The following ZNF260 variants were observed in gnomAD, a reference collection of about 807,000 sequenced individuals.
ZNF260 encodes zinc finger protein 260.
In ZNF260, 21 loss-of-function variants were observed where a neutral mutation model predicts 29.3. The observed-to-expected ratio is 0.72, with a 90% confidence interval of 0.51 to 1.03. ZNF260 has a LOEUF of 1.03. Among genes scored for constraint, ZNF260 ranks in the 50% least tolerant of loss-of-function variants. ZNF260 has a pLI of 0.00. For missense variants in ZNF260, 465 were observed against 487.8 expected (o/e 0.95, Z 0.44); for synonymous variants, 156 against 156.8 (o/e 0.99, Z 0.04).
Position 36,515,394 on chromosome 19 carries a change from T to C in ZNF260, c.-156A>G, listed in dbSNP as rs1309953886. On this transcript the variant is annotated 5_prime_UTR_variant, in exon 3 of 3. It removes an upstream start codon present in the reference 5' UTR. Coordinates refer to ENST00000523638, the MANE Select transcript of ZNF260 (RefSeq NM_001166037.2). ...TTTATGATGGAAGACTTTTCTCACA[T>C]TGATTACCCTGAGATGAGATGATTA... 4.3e-6 allele frequency: 3 copies of C among 705,674 alleles called. No homozygotes were observed. The highest frequency in any genetic ancestry group is 6.8e-6 in the Non-Finnish European group (3 of 444,114). The allele number at this position is 705,674 out of a possible 1,614,324, so 43.7% of individuals were successfully genotyped here. A position where few individuals can be genotyped will look rare whatever the true frequency, so the allele number is the denominator to read the frequency against.
At position 36,522,370 on chromosome 19, in the gene ZNF260, C is replaced by A. The variant is rs201032299; in HGVS notation, c.-462+2785G>T. ...ACACAGGAGGTGGAGGCAGGAGAAT[C>A]GCTTGAACCTGGGAGATGGAGGTTG... is the stretch of plus-strand genomic sequence containing the variant. On this transcript the variant is annotated intron_variant, in intron 2 of 2. Coordinates refer to ENST00000523638, the MANE Select transcript of ZNF260 (RefSeq NM_001166037.2). Among the ~76,000 whole-genome samples the A allele has an allele frequency of 3.9e-5, 6 of 152,000 alleles. No individual in the cohort carries two copies. The East Asian group carries it at 1.2e-3, about 29-fold the overall frequency.
At chr19:36,524,517 G>GTTTTTTTGTTTTTTTTT (rs2034697925) in intron 2 of ZNF260, among the ~76,000 whole-genome samples, 1 of 90,972 alleles carries the variant, frequency 1.1e-5, no homozygotes, top group Non-Finnish European at 2.3e-5. Context: ...TTACATGCTA[G>GTTTTTTTGTTTTTTTTT]TTTTTTTTTT....
chr19:36,519,569 A>G (rs765046989), intron 2 of ZNF260, among the ~76,000 whole-genome samples: 18 of 152,216 alleles, frequency 1.2e-4, no homozygotes, highest in Non-Finnish European at 2.6e-4. Flanking sequence ...TATTTTATTA[A>G]TCAGTTTATC....
rs1182380660 is a variant in ZNF260, at chr19:36,516,306, G to C, written c.-461-607C>G. The stretch of plus-strand genomic sequence containing the variant: ...CACTTCATAAATCAGTAAAATGAGA[G>C]AAAATAAGGCTAGGTATGGTGGTTC... On this transcript the variant is annotated intron_variant, in intron 2 of 2. Transcript: ENST00000523638. Among the ~76,000 whole-genome samples the C allele has an allele frequency of 1.4e-4, 21 of 152,152 alleles. 1 individual carries two copies.
chr19:36,522,680 G>C (rs2145753800), intron 2 of ZNF260, among the ~76,000 whole-genome samples: 1 of 152,258 alleles, frequency 6.6e-6, no homozygotes, highest in East Asian at 1.9e-4. Context: ...TCCTGTCCTA[G>C]AGTAGCAATT....
chr19:36,514,016 C>G lies in ZNF260; in HGVS notation c.1223G>C (p.Arg408Thr). The change falls in exon 3 of 3, where the codon AGA (arginine) becomes ACA (threonine). Residue 408 changes from arginine to threonine, a missense_variant. Transcript: ENST00000523638. ...SQKSHHIRHQ[R>T]IHTH Reference sequence around the variant, plus strand: ...TAGAGAACTTTAATGAGTATGAATTCTCTGGTGTCTAATGTGATGTGACTT... The same window carrying G: ...TAGAGAACTTTAATGAGTATGAATTGTCTGGTGTCTAATGTGATGTGACTT... 1 of 1,612,896 alleles carries G rather than the reference C, an allele frequency of 6.2e-7. No individual in the cohort carries two copies. Among genetic ancestry groups the G allele is most frequent in the Non-Finnish European group, 8.5e-7 (1 of 1,179,168 alleles).
At position 36,520,240 on chromosome 19, in the gene ZNF260, C is replaced by A. The variant is rs182651998; in HGVS notation, c.-461-4541G>T. 2.8e-4 allele frequency among the ~76,000 whole-genome samples: 41 copies of A among 144,712 alleles called. 2 individuals carry two copies. The East Asian group carries it at 7.6e-3, about 27-fold the overall frequency. 94.9% of individuals were successfully genotyped at this position (144,712 alleles called of 152,430 possible). A position where few individuals can be genotyped will look rare whatever the true frequency, so the allele number is the denominator to read the frequency against. On this transcript the variant is annotated intron_variant, in intron 2 of 2. Coordinates refer to ENST00000523638, the MANE Select transcript of ZNF260 (RefSeq NM_001166037.2). ...GAAAGAAAGAAAAAGGAAAGAAAAA[C>A]AGAAAATTAGTAAAAATAGGAAAAA...
At position 36,515,025 on chromosome 19, in the gene ZNF260, G is replaced by T. The variant is rs1454713749; in HGVS notation, c.214C>A (p.Leu72Ile). The T allele has an allele frequency of 3.7e-6, 6 of 1,613,992 alleles. No individual in the cohort carries two copies. In the South Asian group the frequency reaches 6.6e-5, roughly 18 times the overall value. ...TTTCCTGTGTGACTTCTAAGGTGTA[G>T]AGTAAGAGATGAGACTCGAGAGCAC... ...KVCSRVSSLT[L>I]HLRSHTGKKA... is the part of the protein sequence containing the mutation. Residue 72 changes from leucine (L) to isoleucine (I), a missense_variant, in exon 3 of 3, where the codon CTA (leucine) becomes ATA (isoleucine). Coordinates refer to ENST00000523638, the MANE Select transcript of ZNF260 (RefSeq NM_001166037.2).
At chr19:36,526,740 G>A (rs2034742067) in intron 1 of ZNF260, among the ~76,000 whole-genome samples, 1 of 152,054 alleles carries the variant, frequency 6.6e-6, no homozygotes, top group African/African-American at 2.4e-5. Flanking sequence ...ACCATCGCAA[G>A]CTTAACAACA....
chr19:36,525,911 C>T (rs79001862), intron 1 of ZNF260, among the ~76,000 whole-genome samples: 2,060 of 152,272 alleles, frequency 0.014, 16 homozygotes, highest in Middle Eastern at 0.024. Context: ...TATCCACAAT[C>T]ACAACCTGTA....
chr19:36,515,426 G>A lies in ZNF260; in HGVS notation c.-188C>T, dbSNP rs536716828. Reference sequence around the variant, plus strand: ...CCCTGAGATGAGATGATTACAAAAAGGGATAAAATGTAACATTCTCTTTAT... The same window carrying A: ...CCCTGAGATGAGATGATTACAAAAAAGGATAAAATGTAACATTCTCTTTAT... On this transcript the variant is annotated 5_prime_UTR_variant, in exon 3 of 3. Coordinates refer to ENST00000523638, the MANE Select transcript of ZNF260 (RefSeq NM_001166037.2). 5.6e-5 allele frequency: 31 copies of A among 550,120 alleles called. No individual in the cohort carries two copies. The South Asian group carries it at 6.3e-4, about 11-fold the overall frequency. The allele number at this position is 550,120 out of a possible 1,614,324, so 34.1% of individuals were successfully genotyped here. A position where few individuals can be genotyped will look rare whatever the true frequency, so the allele number is the denominator to read the frequency against.
chr19:36,522,654 A>C (rs766943628), intron 2 of ZNF260, among the ~76,000 whole-genome samples: 5 of 151,970 alleles, frequency 3.3e-5, no homozygotes, highest in South Asian at 4.1e-4. Flanking sequence ...CCCTTTACAG[A>C]AAAAGCTTGC....
chr19:36,513,972 G>A lies in ZNF260; in HGVS notation c.*28C>T, dbSNP rs1487920905. On this transcript the variant is annotated 3_prime_UTR_variant, in exon 3 of 3. Transcript: ENST00000523638. ...AAGTGTAAAATCTGCTGAACGTTTTGCTAAATCCAAGGCATTCATAGAGAA... is the reference window on the plus strand; with the variant it reads ...AAGTGTAAAATCTGCTGAACGTTTTACTAAATCCAAGGCATTCATAGAGAA... The A allele has an allele frequency of 3.8e-6, 6 of 1,585,076 alleles. No homozygotes were observed.
rs745603821 is a variant in ZNF260, at chr19:36,514,278, C to T, written c.961G>A (p.Val321Ile). 2 of 1,614,002 alleles carry T rather than the reference C, an allele frequency of 1.2e-6. No homozygotes were observed. The highest frequency in any genetic ancestry group is 2.2e-5 in the South Asian group (2 of 91,070). ...TCACCTGTATGAATTCTCACATGTA[C>T]AATAAGTGATGTGATTCGAGAGAAG... is the stretch of plus-strand genomic sequence containing the variant. ...KAFSRITSLI[V>I]HVRIHTGDKP... Residue 321 changes from valine to isoleucine, a missense_variant, in exon 3 of 3, where the codon GTA (valine) becomes ATA (isoleucine). By Grantham distance (29) the Val-to-Ile change is conservative (BLOSUM62 3). Coordinates refer to ENST00000523638, the MANE Select transcript of ZNF260 (RefSeq NM_001166037.2).
intron 2 of ZNF260, among the ~76,000 whole-genome samples, chr19:36,523,597 G>C (rs2034680700): frequency 7.3e-6 from 1 of 136,318 alleles, no homozygotes; most frequent in South Asian, 2.3e-4. Flanking sequence ...TTTTTTTTGA[G>C]ATGGGAGTCT....
Position 36,515,370 on chromosome 19 carries a change from T to G in ZNF260, c.-132A>C. 1.0e-6 allele frequency: 1 copy of G among 1,000,426 alleles called. No individual in the cohort carries two copies. The highest frequency in any genetic ancestry group is 1.4e-6 in the Non-Finnish European group (1 of 710,840). 62.0% of individuals were successfully genotyped at this position (1,000,426 alleles called of 1,614,324 possible). On this transcript the variant is annotated 5_prime_UTR_variant, in exon 3 of 3. Coordinates refer to ENST00000523638, the MANE Select transcript of ZNF260 (RefSeq NM_001166037.2). ...TCTCAGGTATCTAATGAAGTTAAAT[T>G]TATGATGGAAGACTTTTCTCACATT...
intron 2 of ZNF260, among the ~76,000 whole-genome samples, chr19:36,524,625 C>T (rs2034704253): frequency 6.9e-6 from 1 of 144,780 alleles, no homozygotes; most frequent in Non-Finnish European, 1.5e-5. Flanking sequence ...AACAAGTGAA[C>T]AAAGGTCTCT....
Position 36,515,254 on chromosome 19 carries a change from CAGG to C in ZNF260, c.-19_-17del, listed in dbSNP as rs1410636218. 6.6e-7 allele frequency: 1 copy of C among 1,526,446 alleles called. No homozygotes were observed. Among genetic ancestry groups the C allele is most frequent in the African/African-American group, 1.4e-5 (1 of 72,166 alleles). The allele number at this position is 1,526,446 out of a possible 1,614,324, so 94.6% of individuals were successfully genotyped here. On this transcript the variant is annotated 5_prime_UTR_variant, in exon 3 of 3. An upstream open reading frame in the 5' UTR gains an earlier in-frame stop. Coordinates refer to ENST00000523638, the MANE Select transcript of ZNF260 (RefSeq NM_001166037.2). The stretch of plus-strand genomic sequence containing the variant: ...TGCCTATCATGCATGTGAATTTAAT[CAGG>C]AGATTTCCCTAGTATCAAATAAGAT...
chr19:36,518,444 G>T (rs552375244), intron 2 of ZNF260, among the ~76,000 whole-genome samples: 111 of 152,234 alleles, frequency 7.3e-4, no homozygotes, highest in Admixed American at 1.6e-3. Flanking sequence ...TATTAACAGT[G>T]TTCTATAAAG....
Sources: allele counts gnomAD v4.1 joint callset (sites outside exome capture counted in the v4.1 genomes callset), GRCh38; gene constraint gnomAD v4.1.1; transcripts MANE v1.5; gene names NCBI Gene and HGNC (gene_info 2026-07-23, HGNC 2026-07-21).